Variants in CORIN observed in about 807,000 individuals in gnomAD.
CORIN encodes atrial natriuretic peptide-converting enzyme.
A neutral mutation model predicts 125.3 loss-of-function variants in CORIN; 117 were observed. The observed-to-expected ratio is 0.93, with a 90% CI of 0.80 to 1.09. CORIN has a LOEUF of 1.09. Among genes scored for constraint, CORIN ranks in the 50% least tolerant of loss-of-function variants. The pLI, the probability that CORIN is intolerant of heterozygous loss-of-function variation, is 0.00. For missense variants in CORIN, 1,253 were observed against 1,306.7 expected, an observed-to-expected ratio of 0.96 and a Z score of 0.63; for synonymous variants, 450 against 466.4, an observed-to-expected ratio of 0.96 and a Z score of 0.45.
At chr4:47,605,588 C>T (rs1211287151) in intron 19 of CORIN, among the ~76,000 whole-genome samples, 5 of 152,140 alleles carry the variant, frequency 3.3e-5, no homozygotes, top group Non-Finnish European at 7.3e-5. Flanking sequence ...AGCCACACTA[C>T]CACTGTTCCT....
intron 12 of CORIN, among the ~76,000 whole-genome samples, chr4:47,656,863 T>A (rs1023840523): frequency 1.8e-4 from 27 of 152,216 alleles, no homozygotes; most frequent in African/African-American, 6.5e-4. Context: ...GCAAATGATA[T>A]GATCTTATGT....
intron 5 of CORIN, among the ~76,000 whole-genome samples, chr4:47,721,702 A>G (rs1253091014): frequency 6.6e-6 from 1 of 152,234 alleles, no homozygotes; most frequent in African/African-American, 2.4e-5. Context: ...AAGAATAACC[A>G]TAATCCTCAC....
chr4:47,677,270 G>A (rs1352866238), intron 9 of CORIN, among the ~76,000 whole-genome samples: 1 of 152,146 alleles, frequency 6.6e-6, no homozygotes, highest in East Asian at 1.9e-4. Context: ...AGCAGACCGA[G>A]GCTTGATCCT....
rs552654855 is a variant in CORIN at position 47,783,318 on chromosome 4, G to GTTT, written c.409+3404_409+3406dup. Among the ~76,000 whole-genome samples the GTTT allele has an allele frequency of 2.8e-4, 42 of 152,114 alleles. No homozygotes were observed. In the South Asian group the frequency reaches 4.6e-3, roughly 17 times the overall value. ...CTTTTCCTTTTTCACATTATAATTT[G>GTTT]TTTTCAAAATGTAACTAATGTTAAC... On this transcript the variant is annotated intron_variant, in intron 3 of 21. Transcript: ENST00000273857.
At chr4:47,829,019 A>AT (rs1560567942) in intron 1 of CORIN, among the ~76,000 whole-genome samples, 1 of 151,886 alleles carries the variant, frequency 6.6e-6, no homozygotes, top group African/African-American at 2.4e-5. Flanking sequence ...TTAGCCGGGC[A>AT]TGGTGGTGGG....
At chr4:47,757,905 T>TAC (rs1553916106) in intron 4 of CORIN, among the ~76,000 whole-genome samples, 63 of 141,678 alleles carry the variant, frequency 4.4e-4, no homozygotes, top group African/African-American at 1.3e-3. Flanking sequence ...TATATATATA[T>TAC]ACACAAATAT....
At chr4:47,638,261 G>A (rs910525225) in intron 16 of CORIN, among the ~76,000 whole-genome samples, 3 of 152,202 alleles carry the variant, frequency 2.0e-5, no homozygotes, top group Non-Finnish European at 4.4e-5. Flanking sequence ...GACTTGCCTT[G>A]TCTTAGATGA....
At chr4:47,674,024 A>C (rs762422095) in intron 10 of CORIN, among the ~76,000 whole-genome samples, 14 of 152,184 alleles carry the variant, frequency 9.2e-5, no homozygotes, top group Non-Finnish European at 1.9e-4. Context: ...TATGAACTTC[A>C]TATTTGCTTC....
chr4:47,671,729 C>A (rs1263520037), intron 10 of CORIN, among the ~76,000 whole-genome samples: 1 of 152,034 alleles, frequency 6.6e-6, no homozygotes, highest in African/African-American at 2.4e-5. Flanking sequence ...GGACTACAGG[C>A]GCCCGCCACC....
At chr4:47,614,334 T>C (rs1721989940) in intron 19 of CORIN, among the ~76,000 whole-genome samples, 1 of 152,164 alleles carries the variant, frequency 6.6e-6, no homozygotes, top group South Asian at 2.1e-4. Flanking sequence ...TAGCTGGGAT[T>C]ACAGGAGCCC....
intron 6 of CORIN, among the ~76,000 whole-genome samples, chr4:47,689,009 A>G (rs1317630770): frequency 1.3e-5 from 2 of 152,300 alleles, no homozygotes; most frequent in Admixed American, 6.5e-5. Context: ...GGCTGCCTCC[A>G]TTCTAAAATA....
At chr4:47,763,731 G>C (rs778644126) in intron 3 of CORIN, 145 bp from the exon 4 acceptor site, 16 of 620,858 alleles carry the variant, frequency 2.6e-5, no homozygotes, top group Non-Finnish European at 4.2e-5. Flanking sequence ...GTGCATGTAA[G>C]TATGTGTATG....
chr4:47,598,503 C>T (rs1721334337), intron 21 of CORIN, among the ~76,000 whole-genome samples: 1 of 152,152 alleles, frequency 6.6e-6, no homozygotes, highest in African/African-American at 2.4e-5. Flanking sequence ...GTCTGTGGGC[C>T]TTCAGCTCTC....
intron 2 of CORIN, among the ~76,000 whole-genome samples, chr4:47,796,514 A>C (rs1277417287): frequency 1.3e-5 from 2 of 152,130 alleles, no homozygotes; most frequent in Non-Finnish European, 2.9e-5. Context: ...CATAGTGACT[A>C]TGGTTAATAC....
chr4:47,704,703 C>T lies in CORIN; in HGVS notation c.800-11620G>A, dbSNP rs144220000. ...GCTGCAATTTGAGCAGATACAGAGT[C>T]TCCTCTAAAAACACGCTATCGATCA... On this transcript the variant is annotated intron_variant, in intron 5 of 21. Coordinates refer to ENST00000273857, the MANE Select transcript of CORIN (RefSeq NM_006587.4). Among the ~76,000 whole-genome samples the T allele has an allele frequency of 3.7e-3, 559 of 152,238 alleles. 1 individual carries two copies. The highest frequency in any genetic ancestry group is 5.9e-3 in the Non-Finnish European group (403 of 68,038).
At chr4:47,732,270 A>T (rs571738273) in intron 5 of CORIN, among the ~76,000 whole-genome samples, 15 of 152,282 alleles carry the variant, frequency 9.9e-5, no homozygotes, top group African/African-American at 3.4e-4. Flanking sequence ...TAGAAACCAA[A>T]GGCAAAGAGT....
chr4:47,636,063 T>G, intron 16 of CORIN, among the ~76,000 whole-genome samples: 1 of 152,182 alleles, frequency 6.6e-6, no homozygotes, highest in East Asian at 1.9e-4. Flanking sequence ...ATACCAGGGA[T>G]TATTAGGGAC....
intron 5 of CORIN, among the ~76,000 whole-genome samples, chr4:47,720,198 G>C (rs1012148196): frequency 3.9e-5 from 6 of 152,124 alleles, no homozygotes; most frequent in Non-Finnish European, 7.4e-5. Flanking sequence ...AAAATATTTT[G>C]AGGCTCTTTT....
At chr4:47,693,883 T>C (rs1204730310) in intron 5 of CORIN, among the ~76,000 whole-genome samples, 1 of 152,114 alleles carries the variant, frequency 6.6e-6, no homozygotes, top group African/African-American at 2.4e-5. Flanking sequence ...CTCAACAAAG[T>C]GGATGTTAAG....
Sources: gnomAD v4.1 joint callset for allele counts (sites outside exome capture counted in the v4.1 genomes callset) on GRCh38, gnomAD v4.1.1 for gene constraint, MANE v1.5 for transcripts, NCBI Gene and HGNC (gene_info 2026-07-23, HGNC 2026-07-21) for gene names.